Variants in BMP8B observed in about 807,000 individuals in gnomAD.
The protein encoded by BMP8B is bone morphogenetic protein 8b.
A neutral mutation model predicts 30.3 loss-of-function variants in BMP8B; 17 were observed. The observed-to-expected ratio is 0.56, with a 90% CI of 0.38 to 0.84. BMP8B has a LOEUF of 0.84. Ranked by LOEUF, BMP8B falls within the 40% of genes least tolerant of loss-of-function variation. BMP8B has a pLI of 0.00. For synonymous variants in BMP8B, 131 were observed against 214.7 expected (o/e 0.61, Z 3.41); for missense variants, 253 against 494.6 (o/e 0.51, Z 4.63).
rs1302444339 is a variant in BMP8B, at chr1:39,757,391, A to C, written c.*3028T>G. On this transcript the variant is annotated 3_prime_UTR_variant, in exon 7 of 7. Coordinates refer to ENST00000372827, the MANE Select transcript of BMP8B (RefSeq NM_001720.5). Reference sequence around the variant, plus strand: ...AAGGAAGAAGCAGAACCAGGATTCAAATCTATTTGGCACCAAAAATCTGCC... The same window carrying C: ...AAGGAAGAAGCAGAACCAGGATTCACATCTATTTGGCACCAAAAATCTGCC... The C allele has an allele frequency of 6.6e-6, 1 of 152,256 alleles. No individual in the cohort carries two copies. Among genetic ancestry groups the C allele is most frequent in the East Asian group, 1.9e-4 (1 of 5,208 alleles). The allele number at this position is 152,256 out of a possible 1,614,324, so 9.4% of individuals were successfully genotyped here.
In BMP8B at chr1:39,788,688, CGAG is replaced by C; in HGVS notation, c.-206_-204del. 3.4e-6 allele frequency: 1 copy of C among 294,344 alleles called. No individual in the cohort carries two copies. Among genetic ancestry groups the C allele is most frequent in the Non-Finnish European group, 5.0e-6 (1 of 198,792 alleles). 18.2% of individuals were successfully genotyped at this position (294,344 alleles called of 1,614,324 possible). ...CGCGACACCTGTCCTGGCTCCTGGA[CGAG>C]AGGACGCGGACGCCACCGCCTCGAG... is the stretch of plus-strand genomic sequence containing the variant. On this transcript the variant is annotated 5_prime_UTR_variant, in exon 1 of 7. Transcript: ENST00000372827. This position sits in a 1 kb window ranked among gnomAD's most constrained non-coding sequence, Gnocchi z 5.8.
At position 39,788,834 on chromosome 1, in the gene BMP8B, CCA is replaced by C. The variant is rs1651191947; in HGVS notation, c.-351_-350del. On this transcript the variant is annotated 5_prime_UTR_variant, in exon 1 of 7. Coordinates refer to ENST00000372827, the MANE Select transcript of BMP8B (RefSeq NM_001720.5). This position sits in a 1 kb window ranked among gnomAD's most constrained non-coding sequence, Gnocchi z 5.8. ...AGGGGCGATGGGCGAGCTCCTGCAG[CCA>C]CCCGCTTGGTGCGGTTCCCGCGAGT... 6.6e-6 allele frequency: 1 copy of C among 152,162 alleles called. No homozygotes were observed. The highest frequency in any genetic ancestry group is 1.5e-5 in the Non-Finnish European group (1 of 68,292). The allele number at this position is 152,162 out of a possible 1,614,324, so 9.4% of individuals were successfully genotyped here.
chr1:39,768,023 T>TA (rs1449588176), intron 3 of BMP8B, among the ~76,000 whole-genome samples: 1 of 150,834 alleles, frequency 6.6e-6, no homozygotes, highest in Non-Finnish European at 1.5e-5. Context: ...GAGCTACACT[T>TA]ATGCAGTGCA....
At chr1:39,780,429 A>C (rs1478669322) in intron 1 of BMP8B, among the ~76,000 whole-genome samples, 1 of 152,238 alleles carries the variant, frequency 6.6e-6, no homozygotes, top group Non-Finnish European at 1.5e-5. Flanking sequence ...GACCTCTCCA[A>C]GCTGCAGATA....
chr1:39,769,173 C>A (rs550705108), intron 3 of BMP8B, among the ~76,000 whole-genome samples: 1 of 150,366 alleles, frequency 6.7e-6, no homozygotes, highest in Non-Finnish European at 1.5e-5. Context: ...AGCGACAGAG[C>A]CAGACCCTGC....
In BMP8B at chr1:39,760,581, A is replaced by G. The variant is rs766629276; in HGVS notation, c.1060-13T>C. Reference sequence around the variant, plus strand: ...TCATCAGGTGCACCTGGCCAGGAAGAGGGCACAGGCAGGGGCATGAGCCCA... The same window carrying G: ...TCATCAGGTGCACCTGGCCAGGAAGGGGGCACAGGCAGGGGCATGAGCCCA... On this transcript the variant is annotated splice_polypyrimidine_tract_variant and intron_variant, in intron 6 of 6. Transcript: ENST00000372827. 6.2e-6 allele frequency: 10 copies of G among 1,612,396 alleles called. No homozygotes were observed. In the East Asian group the frequency reaches 2.0e-4, roughly 32 times the overall value.
intron 3 of BMP8B, chr1:39,770,401 C>G: frequency 1.2e-6 from 2 of 1,601,470 alleles, no homozygotes; most frequent in Middle Eastern, 3.3e-4. Flanking sequence ...CTTCCTCTTT[C>G]AGGATCGTTA....
Position 39,763,158 on chromosome 1 carries a change from C to G in BMP8B, c.993G>C (p.Glu331Asp), listed in dbSNP as rs777957727. The change falls in exon 6 of 7, where the codon GAG becomes GAC. Residue 331 changes from glutamate (E) to aspartate (D), a missense_variant. This residue lies in a region of BMP8B where 116 missense variants were observed against 142.3 expected (regional missense o/e 0.81). Coordinates refer to ENST00000372827, the MANE Select transcript of BMP8B (RefSeq NM_001720.5). ...AGTCCAGTGGGAAGGAGCACTCCCC[C>G]TCACAGTAATAGGCCGAGTAGCCTT... ...APQGYSAYYC[E>D]GECSFPLDSC... 2 of 1,613,908 alleles carry G rather than the reference C, an allele frequency of 1.2e-6. No homozygotes were observed. Among genetic ancestry groups the G allele is most frequent in the African/African-American group, 2.7e-5 (2 of 74,904 alleles).
rs41267037 is a variant in BMP8B at position 39,760,431 on chromosome 1, G to A, written c.1197C>T (p.Cys399=). 0.029 allele frequency: 46,013 copies of A among 1,613,890 alleles called. 883 individuals are homozygous for A. The highest frequency in any genetic ancestry group is 0.075 in the East Asian group (3,370 of 44,878). ...RKHRNMVVKA[C]GCH ...CGGGCGGGTGGACTCAGTGGCAGCC[G>A]CAGGCCTTGACCACCATGTTGCGGT... Residue 399 remains cysteine, a synonymous_variant, in exon 7 of 7, where the codon TGC becomes TGT. Coordinates refer to ENST00000372827, the MANE Select transcript of BMP8B (RefSeq NM_001720.5).
At chr1:39,786,010 A>G (rs1650959124) in intron 1 of BMP8B, among the ~76,000 whole-genome samples, 1 of 152,180 alleles carries the variant, frequency 6.6e-6, no homozygotes, top group African/African-American at 2.4e-5. Flanking sequence ...CATGAAATGC[A>G]CAAAGCTGGT....
At chr1:39,762,287 G>C (rs759977088) in intron 6 of BMP8B, 5 of 470,164 alleles carry the variant, frequency 1.1e-5, no homozygotes, top group Non-Finnish European at 1.9e-5. Context: ...GGCTTGTCTT[G>C]AACTTCTGGG....
In BMP8B at chr1:39,757,211, A is replaced by G. The variant is rs1648371971; in HGVS notation, c.*3208T>C. On this transcript the variant is annotated 3_prime_UTR_variant, in exon 7 of 7. Coordinates refer to ENST00000372827, the MANE Select transcript of BMP8B (RefSeq NM_001720.5). The stretch of plus-strand genomic sequence containing the variant: ...GAACACATTTTGGTTTAATGGACAG[A>G]CATAGAAGTGGCTCAAAAATAAGCA... The G allele has an allele frequency of 6.6e-6, 1 of 152,266 alleles. No homozygotes were observed. The highest frequency in any genetic ancestry group is 2.4e-5 in the African/African-American group (1 of 41,472). The allele number at this position is 152,266 out of a possible 1,614,324, so 9.4% of individuals were successfully genotyped here. A position where few individuals can be genotyped will look rare whatever the true frequency, so the allele number is the denominator to read the frequency against.
chr1:39,763,933 A>G, intron 4 of BMP8B, 142 bp from the exon 5 acceptor site: 1 of 1,110,940 alleles, frequency 9.0e-7, no homozygotes, highest in Non-Finnish European at 1.3e-6. Context: ...CATAAAGCCC[A>G]TCCCTGGAAC....
In BMP8B at chr1:39,758,914, T is replaced by C. The variant is rs885784; in HGVS notation, c.*1505A>G. The C allele has an allele frequency of 7.9e-5, 12 of 152,250 alleles. No individual in the cohort carries two copies. Among genetic ancestry groups the C allele is most frequent in the East Asian group, 3.9e-4 (2 of 5,188 alleles). The allele number at this position is 152,250 out of a possible 1,614,324, so 9.4% of individuals were successfully genotyped here. A position where few individuals can be genotyped will look rare whatever the true frequency, so the allele number is the denominator to read the frequency against. On this transcript the variant is annotated 3_prime_UTR_variant, in exon 7 of 7. Coordinates refer to ENST00000372827, the MANE Select transcript of BMP8B (RefSeq NM_001720.5). The stretch of plus-strand genomic sequence containing the variant: ...CTCCACCCCTGCTGCTGGACCAGCT[T>C]TCCCCAGGCCCCTCCCTGGGGGTGC...
intron 3 of BMP8B, among the ~76,000 whole-genome samples, chr1:39,766,020 TGA>T: frequency 6.6e-6 from 1 of 151,864 alleles, no homozygotes; most frequent in East Asian, 1.9e-4. Context: ...GGCGACAGAA[TGA>T]GAGTGTGTTT....
chr1:39,769,827 T>G, intron 3 of BMP8B: 1 of 1,613,406 alleles, frequency 6.2e-7, no homozygotes, highest in Non-Finnish European at 8.5e-7. Flanking sequence ...TCTTTCTTCC[T>G]GTGCACGTCA....
In BMP8B at chr1:39,776,651, G is replaced by A. The variant is rs553238406; in HGVS notation, c.335-1613C>T. Among the ~76,000 whole-genome samples the A allele has an allele frequency of 7.5e-4, 114 of 152,340 alleles. No homozygotes were observed. In the Middle Eastern group the frequency reaches 0.01, roughly 14 times the overall value. On this transcript the variant is annotated intron_variant, in intron 1 of 6. Transcript: ENST00000372827. ...CTCATCCCAGCCCAGGGCGGAGAAG[G>A]AAAGAACGTGCCTTGTCCCACAGCA...
intron 1 of BMP8B, among the ~76,000 whole-genome samples, chr1:39,775,417 C>A (rs1465174873): frequency 6.6e-6 from 1 of 152,152 alleles, no homozygotes; most frequent in East Asian, 1.9e-4. Flanking sequence ...GGACATTGGA[C>A]CCAAGGCAGA....
At position 39,788,446 on chromosome 1, in the gene BMP8B, C is replaced by T. The variant is rs2124526564; in HGVS notation, c.40G>A (p.Ala14Thr). 1 of 1,033,572 alleles carries T rather than the reference C, an allele frequency of 9.7e-7. No individual in the cohort carries two copies. Among genetic ancestry groups the T allele is most frequent in the Non-Finnish European group, 1.2e-6 (1 of 862,796 alleles). 64.0% of individuals were successfully genotyped at this position (1,033,572 alleles called of 1,614,324 possible). A position where few individuals can be genotyped will look rare whatever the true frequency, so the allele number is the denominator to read the frequency against. Residue 14 changes from alanine (A) to threonine (T), a missense_variant, in exon 1 of 7, where the codon GCG becomes ACG. Coordinates refer to ENST00000372827, the MANE Select transcript of BMP8B (RefSeq NM_001720.5). This position sits in a 1 kb window ranked among gnomAD's most constrained non-coding sequence, Gnocchi z 5.8. ...LPGPLWLLGLALCALGGGGPG... is the reference protein window; with the variant it reads ...LPGPLWLLGLTLCALGGGGPG... ...CCGCCCCCGCCCAGCGCGCATAGCGCCAGGCCCAGGAGCCAGAGCGGGCCG... is the reference window on the plus strand; with the variant it reads ...CCGCCCCCGCCCAGCGCGCATAGCGTCAGGCCCAGGAGCCAGAGCGGGCCG...
Sources: allele counts gnomAD v4.1 joint callset (sites outside exome capture counted in the v4.1 genomes callset), GRCh38; gene constraint gnomAD v4.1.1; regional missense constraint gnomAD v4.1.1; non-coding constraint Gnocchi (gnomAD v3.1); transcripts MANE v1.5; gene names NCBI Gene and HGNC (gene_info 2026-07-23, HGNC 2026-07-21).